ATP1A1: variants seen among roughly 807,000 people sequenced by gnomAD.
ATP1A1 encodes the protein sodium/potassium-transporting ATPase subunit alpha-1.
A neutral mutation model predicts 114.8 loss-of-function variants in ATP1A1; 14 were observed. The observed-to-expected ratio is 0.12, with a 90% CI of 0.08 to 0.19. The LOEUF (loss-of-function observed/expected upper bound fraction) is 0.19. Among genes scored for constraint, ATP1A1 ranks in the 10% least tolerant of loss-of-function variants. The pLI is 1.00. For missense variants in ATP1A1, 524 were observed against 1,290.7 expected (o/e 0.41, Z 9.10); for synonymous variants, 471 against 466.3 (o/e 1.01, Z -0.13).
chr1:116,391,425 G>C (rs1018132179), intron 10 of ATP1A1, among the ~76,000 whole-genome samples: 17 of 152,172 alleles, frequency 1.1e-4, no homozygotes, highest in African/African-American at 3.9e-4. Context: ...CCCAGCCTTA[G>C]CCTGTGGAAT....
In ATP1A1 at chr1:116,384,108, A is replaced by G; in HGVS notation, c.107A>G (p.Lys36Arg). 1 of 1,613,860 alleles carries G rather than the reference A, an allele frequency of 6.2e-7. No individual in the cohort carries two copies. The highest frequency in any genetic ancestry group is 8.5e-7 in the Non-Finnish European group (1 of 1,179,768). ...AAAGACAGGGACATGGATGAACTGA[A>G]GAAAGAAGTTTCTATGGTAAGTACT... ...GKKDRDMDEL[K>R]KEVSMDDHKL... The change falls in exon 2 of 23, where the codon AAG becomes AGG. Residue 36 changes from lysine to arginine, a missense_variant. Transcript: ENST00000295598. This position sits in a 1 kb window ranked among gnomAD's most constrained non-coding sequence, Gnocchi z 5.1.
intron 8 of ATP1A1, 191 bp from the exon 9 acceptor site, chr1:116,390,022 T>A: frequency 1.5e-6 from 1 of 687,266 alleles, no homozygotes; most frequent in Non-Finnish European, 2.4e-6. Flanking sequence ...ATTATTTTTC[T>A]TAATAGATTG....
intron 9 of ATP1A1, 84 bp downstream of exon 9, chr1:116,390,495 T>G: frequency 7.9e-7 from 1 of 1,269,926 alleles, no homozygotes; most frequent in Non-Finnish European, 1.1e-6. Context: ...TGAAATTTCT[T>G]TTTTTTTTTT....
Position 116,402,554 on chromosome 1 carries a change from G to A in ATP1A1, c.2951+899G>A, listed in dbSNP as rs574572670. On this transcript the variant is annotated intron_variant, in intron 21 of 22. Coordinates refer to ENST00000295598, the MANE Select transcript of ATP1A1 (RefSeq NM_000701.8). ...TTCCTGTGGGTTATGTGCAGACATC[G>A]TCTGTGGTGCAAGATGAGACTGGCA... Among the ~76,000 whole-genome samples the A allele has an allele frequency of 2.6e-5, 4 of 152,290 alleles. No individual in the cohort carries two copies. The South Asian group carries it at 6.2e-4, about 24-fold the overall frequency.
intron 1 of ATP1A1, among the ~76,000 whole-genome samples, chr1:116,380,051 G>A (rs1426485283): frequency 1.3e-5 from 2 of 152,184 alleles, no homozygotes; most frequent in African/African-American, 4.8e-5. Context: ...GTGGGCTTTG[G>A]AAATAGTCCA....
Position 116,399,134 on chromosome 1 carries a change from T to A in ATP1A1, c.2448+50T>A, listed in dbSNP as rs369292325. On this transcript the variant is annotated intron_variant, in intron 17 of 22. Transcript: ENST00000295598. This position sits in a 1 kb window ranked among gnomAD's most constrained non-coding sequence, Gnocchi z 5.0. The stretch of plus-strand genomic sequence containing the variant: ...CGATAGTAGTGAGGTGTGAGCTGTG[T>A]CTTCATTCACTGGCACTATGCTCCC... The A allele has an allele frequency of 3.9e-5, 62 of 1,608,778 alleles. No individual in the cohort carries two copies. In the African/African-American group the frequency reaches 6.5e-4, roughly 17 times the overall value.
At chr1:116,400,540 C>G (rs899818758) in intron 18 of ATP1A1, among the ~76,000 whole-genome samples, 1 of 152,160 alleles carries the variant, frequency 6.6e-6, no homozygotes, top group African/African-American at 2.4e-5. Flanking sequence ...AAGTGGATTT[C>G]CCCTAAAGGT....
At chr1:116,391,728 G>A (rs1398341053) in intron 10 of ATP1A1, among the ~76,000 whole-genome samples, 4 of 152,166 alleles carry the variant, frequency 2.6e-5, no homozygotes, top group Non-Finnish European at 4.4e-5. Context: ...GGATAATGTT[G>A]TGTATCTTGA....
Position 116,403,872 on chromosome 1 carries a change from C to A in ATP1A1, c.2952-12C>A, listed in dbSNP as rs774576756. 1 of 1,607,980 alleles carries A rather than the reference C, an allele frequency of 6.2e-7. No individual in the cohort carries two copies. The highest frequency in any genetic ancestry group is 8.5e-7 in the Non-Finnish European group (1 of 1,175,494). On this transcript the variant is annotated splice_polypyrimidine_tract_variant and intron_variant, in intron 21 of 22. Coordinates refer to ENST00000295598, the MANE Select transcript of ATP1A1 (RefSeq NM_000701.8). ...CGTGTGCATATAAATTGGTACCTTACTCTATTTCCAGACCTACCTGGTGGT... is the reference window on the plus strand; with the variant it reads ...CGTGTGCATATAAATTGGTACCTTAATCTATTTCCAGACCTACCTGGTGGT...
chr1:116,399,911 T>C lies in ATP1A1; in HGVS notation c.2572+368T>C, dbSNP rs560872255. 2.0e-5 allele frequency among the ~76,000 whole-genome samples: 3 copies of C among 152,326 alleles called. No individual in the cohort carries two copies. The highest frequency in any genetic ancestry group is 1.9e-4 in the East Asian group (1 of 5,178). Reference sequence around the variant, plus strand: ...TGCTTTCCCTGGAGATACACACTTATCTGTCACTCACTTGGATGGAGTTAG... The same window carrying C: ...TGCTTTCCCTGGAGATACACACTTACCTGTCACTCACTTGGATGGAGTTAG... On this transcript the variant is annotated intron_variant, in intron 18 of 22. Coordinates refer to ENST00000295598, the MANE Select transcript of ATP1A1 (RefSeq NM_000701.8). The surrounding 1 kb of genome is among the most constrained non-coding windows in gnomAD (Gnocchi z 5.0).
chr1:116,373,353 C>T lies in ATP1A1; in HGVS notation c.-159C>T. Reference sequence around the variant, plus strand: ...AGCAACAGCGGCGGCGGCATCGGCCCGAGCCGCCGGCCGCCCTCCCACCCT... The same window carrying T: ...AGCAACAGCGGCGGCGGCATCGGCCTGAGCCGCCGGCCGCCCTCCCACCCT... On this transcript the variant is annotated 5_prime_UTR_variant, in exon 1 of 23. Coordinates refer to ENST00000295598, the MANE Select transcript of ATP1A1 (RefSeq NM_000701.8). 1.5e-6 allele frequency: 1 copy of T among 656,990 alleles called. No homozygotes were observed. Among genetic ancestry groups the T allele is most frequent in the Non-Finnish European group, 2.2e-6 (1 of 459,406 alleles). 40.7% of individuals were successfully genotyped at this position (656,990 alleles called of 1,614,324 possible).
rs747270418 is a variant in ATP1A1, at chr1:116,404,469, C to T, written c.*25C>T. ...GCCCCCCGTCCTGCACGCCGTGGAGCATCAGGCCACACACTCTGCATCCGA... is the reference window on the plus strand; with the variant it reads ...GCCCCCCGTCCTGCACGCCGTGGAGTATCAGGCCACACACTCTGCATCCGA... On this transcript the variant is annotated 3_prime_UTR_variant, in exon 23 of 23. Transcript: ENST00000295598. The surrounding 1 kb of genome is among the most constrained non-coding windows in gnomAD (Gnocchi z 4.8). 3 of 1,605,894 alleles carry T rather than the reference C, an allele frequency of 1.9e-6. No individual in the cohort carries two copies. The East Asian group carries it at 6.7e-5, about 36-fold the overall frequency.
intron 14 of ATP1A1, 152 bp downstream of exon 14, chr1:116,396,886 A>G (rs1652975069): frequency 1.9e-6 from 2 of 1,035,404 alleles, no homozygotes; most frequent in Non-Finnish European, 2.6e-6. Context: ...GTCATTCCTA[A>G]GAAGGGTTTT....
chr1:116,389,885 T>C lies in ATP1A1; in HGVS notation c.1023+178T>C. On this transcript the variant is annotated intron_variant, in intron 8 of 22. Coordinates refer to ENST00000295598, the MANE Select transcript of ATP1A1 (RefSeq NM_000701.8). This position sits in a 1 kb window ranked among gnomAD's most constrained non-coding sequence, Gnocchi z 6.9. ...ACAGTGAGAAAACCTCAGCATTTGT[T>C]TATACGTAAGATAACCCCAAAGCAT... 1 of 981,342 alleles carries C rather than the reference T, an allele frequency of 1.0e-6. No individual in the cohort carries two copies. The highest frequency in any genetic ancestry group is 1.5e-6 in the Non-Finnish European group (1 of 681,836). 60.8% of individuals were successfully genotyped at this position (981,342 alleles called of 1,614,324 possible).
chr1:116,374,137 C>T (rs370963656), intron 1 of ATP1A1: 4 of 1,545,972 alleles, frequency 2.6e-6, no homozygotes, highest in Middle Eastern at 2.3e-4. Flanking sequence ...GCAGAGGCGG[C>T]CGCCCTCCCC....
rs1449440526 is a variant in ATP1A1, at chr1:116,399,708, C to G, written c.2572+165C>G. Reference sequence around the variant, plus strand: ...TGTGGAGTTTCTCTGAACTCTCTTCCATGTGAGAATACATCTGTTGCTGTT... The same window carrying G: ...TGTGGAGTTTCTCTGAACTCTCTTCGATGTGAGAATACATCTGTTGCTGTT... On this transcript the variant is annotated intron_variant, in intron 18 of 22. Transcript: ENST00000295598. This position sits in a 1 kb window ranked among gnomAD's most constrained non-coding sequence, Gnocchi z 5.0. Among the ~76,000 whole-genome samples the G allele has an allele frequency of 1.3e-5, 2 of 152,178 alleles. No individual in the cohort carries two copies. Among genetic ancestry groups the G allele is most frequent in the Non-Finnish European group, 2.9e-5 (2 of 68,032 alleles).
chr1:116,404,511 GTGTACTTCAGTC>G lies in ATP1A1; in HGVS notation c.*69_*80del, dbSNP rs1653812582. 7 of 1,555,448 alleles carry G rather than the reference GTGTACTTCAGTC, an allele frequency of 4.5e-6. No homozygotes were observed. The East Asian group carries it at 1.7e-4, about 37-fold the overall frequency. ...TGCATCCGACACCCACCCCCTCTTT[GTGTACTTCAGTC>G]TTGGAGTTTGGAACTCTACCCTGGT... is the stretch of plus-strand genomic sequence containing the variant. On this transcript the variant is annotated 3_prime_UTR_variant, in exon 23 of 23. Transcript: ENST00000295598. The surrounding 1 kb of genome is among the most constrained non-coding windows in gnomAD (Gnocchi z 4.8).
chr1:116,403,153 C>G (rs1262418906), intron 21 of ATP1A1, among the ~76,000 whole-genome samples: 1 of 152,192 alleles, frequency 6.6e-6, no homozygotes, highest in Non-Finnish European at 1.5e-5. Context: ...TTCAGTTATT[C>G]GGTGACTGAG....
chr1:116,401,590 A>G lies in ATP1A1; in HGVS notation c.2886A>G (p.Thr962=), dbSNP rs1381791502. 1.2e-6 allele frequency: 2 copies of G among 1,614,256 alleles called. No individual in the cohort carries two copies. The highest frequency in any genetic ancestry group is 1.7e-6 in the Non-Finnish European group (2 of 1,180,042). The part of the protein sequence containing the change: ...KILIFGLFEE[T]ALAAFLSYCP... ...TGATATTTGGCCTCTTTGAAGAGAC[A>G]GCCCTGGCTGCTTTCCTTTCCTACT... The change falls in exon 21 of 23, where the codon ACA becomes ACG. Residue 962 remains threonine, a synonymous_variant. Coordinates refer to ENST00000295598, the MANE Select transcript of ATP1A1 (RefSeq NM_000701.8). This position sits in a 1 kb window ranked among gnomAD's most constrained non-coding sequence, Gnocchi z 4.7.
Sources: allele counts gnomAD v4.1 joint callset (sites outside exome capture counted in the v4.1 genomes callset), GRCh38; gene constraint gnomAD v4.1.1; non-coding constraint Gnocchi (gnomAD v3.1); transcripts MANE v1.5; gene names NCBI Gene and HGNC (gene_info 2026-07-23, HGNC 2026-07-21).